RRM1: variants seen among roughly 807,000 people sequenced by gnomAD.
The protein encoded by RRM1 is ribonucleotide reductase catalytic subunit M1.
A neutral mutation model predicts 101.5 loss-of-function variants in RRM1; 19 were observed. The ratio of observed to expected loss-of-function variants is 0.19; its 90% CI spans 0.13 to 0.27. RRM1 has a LOEUF of 0.27. Ranked by LOEUF, RRM1 falls within the 10% of genes least tolerant of loss-of-function variation. The probability of loss-of-function intolerance (pLI) is 1.00; values close to 1 mark genes in which losing one functional copy is unlikely to be tolerated. For synonymous variants in RRM1, 298 were observed against 323.4 expected (o/e 0.92, Z 0.84); for missense variants, 500 against 962.9 (o/e 0.52, Z 6.36).
chr11:4,116,794 G>A (rs2094574207), intron 7 of RRM1, among the ~76,000 whole-genome samples: 1 of 149,956 alleles, frequency 6.7e-6, no homozygotes, highest in Non-Finnish European at 1.5e-5. Flanking sequence ...CATAATGAGA[G>A]CCTGTCTCTA....
At chr11:4,096,962 C>G (rs2094544372) in intron 1 of RRM1, among the ~76,000 whole-genome samples, 1 of 146,686 alleles carries the variant, frequency 6.8e-6, no homozygotes. Context: ...GAGTCTACTT[C>G]TAAATACTTT....
intron 2 of RRM1, among the ~76,000 whole-genome samples, chr11:4,104,188 A>G (rs2094555533): frequency 6.6e-6 from 1 of 152,158 alleles, no homozygotes; most frequent in Admixed American, 6.5e-5. Flanking sequence ...TCTGAGTTCT[A>G]ATTGTTTGCC....
chr11:4,133,142 A>G (rs771911874), intron 16 of RRM1, among the ~76,000 whole-genome samples: 4 of 152,198 alleles, frequency 2.6e-5, no homozygotes, highest in Non-Finnish European at 5.9e-5. Context: ...ATATGTGTAT[A>G]TATTATATAA....
At chr11:4,120,471 C>T (rs1386981448) in intron 9 of RRM1, among the ~76,000 whole-genome samples, 1 of 151,906 alleles carries the variant, frequency 6.6e-6, no homozygotes, top group Non-Finnish European at 1.5e-5. Flanking sequence ...TTAAGTGATT[C>T]TTCTGCCTCA....
rs1296866685 is a variant in RRM1, at chr11:4,100,619, T to C, written c.20-1374T>C. Reference sequence around the variant, plus strand: ...ACAAAAGAGACAAAAACTAAATCAGTGTGAGACACTAACATTTATTGAGTG... The same window carrying C: ...ACAAAAGAGACAAAAACTAAATCAGCGTGAGACACTAACATTTATTGAGTG... On this transcript the variant is annotated intron_variant, in intron 1 of 18. Coordinates refer to ENST00000300738, the MANE Select transcript of RRM1 (RefSeq NM_001033.5). 3.9e-5 allele frequency among the ~76,000 whole-genome samples: 6 copies of C among 152,212 alleles called. No homozygotes were observed. In the South Asian group the frequency reaches 1.0e-3, roughly 26 times the overall value.
At chr11:4,118,160 TGTACA>T (rs2094576419) in intron 7 of RRM1, among the ~76,000 whole-genome samples, 155 bp from the exon 8 acceptor site, 1 of 152,080 alleles carries the variant, frequency 6.6e-6, no homozygotes, top group Non-Finnish European at 1.5e-5. Flanking sequence ...TATTGTGTCA[TGTACA>T]GTAAAGTGGG....
At position 4,132,179 on chromosome 11, in the gene RRM1, T is replaced by TGA; in HGVS notation, c.1770-107_1770-106insGA. ...AGTTCAATGCATGTACGATGTTACA[T>TGA]TTACATTTACTACATTTATCTACAT... On this transcript the variant is annotated intron_variant, in intron 15 of 18. Coordinates refer to ENST00000300738, the MANE Select transcript of RRM1 (RefSeq NM_001033.5). The surrounding 1 kb of genome is among the most constrained non-coding windows in gnomAD (Gnocchi z 4.1). 8.7e-7 allele frequency: 1 copy of TGA among 1,150,882 alleles called. No homozygotes were observed. The highest frequency in any genetic ancestry group is 1.3e-6 in the Non-Finnish European group (1 of 785,356). The allele number at this position is 1,150,882 out of a possible 1,614,324, so 71.3% of individuals were successfully genotyped here.
chr11:4,095,292 A>C (rs945759827), intron 1 of RRM1, among the ~76,000 whole-genome samples: 4 of 151,796 alleles, frequency 2.6e-5, no homozygotes, highest in African/African-American at 4.8e-5. Flanking sequence ...CCCCGTATCG[A>C]GTAGTGACTG....
At chr11:4,110,962 C>G (rs1306762960) in intron 5 of RRM1, among the ~76,000 whole-genome samples, 1 of 151,938 alleles carries the variant, frequency 6.6e-6, no homozygotes, top group Non-Finnish European at 1.5e-5. Context: ...GTTACAGGCG[C>G]TTTTTAAGTG....
chr11:4,121,960 C>A, intron 10 of RRM1, 181 bp from the exon 11 acceptor site: 1 of 659,034 alleles, frequency 1.5e-6, no homozygotes, highest in Non-Finnish European at 2.5e-6. Context: ...GACCTAAATG[C>A]TTAAAAGGTC....
chr11:4,122,297 G>T, intron 11 of RRM1, 77 bp downstream of exon 11: 7 of 1,096,896 alleles, frequency 6.4e-6, no homozygotes, highest in East Asian at 2.4e-5. Flanking sequence ...AATATCAAAA[G>T]TACTTGTCAA....
intron 1 of RRM1, among the ~76,000 whole-genome samples, chr11:4,096,795 G>C (rs999796587): frequency 2.0e-5 from 3 of 151,888 alleles, no homozygotes; most frequent in Admixed American, 6.6e-5. Flanking sequence ...GGGAGCCACC[G>C]CACCTGGCTT....
chr11:4,110,161 T>A (rs1053633698), intron 5 of RRM1, among the ~76,000 whole-genome samples: 18 of 149,956 alleles, frequency 1.2e-4, no homozygotes, highest in African/African-American at 2.7e-4. Context: ...TAAAAAAAAA[T>A]TTTTTTTTTG....
In RRM1 at chr11:4,111,973, T is replaced by C. The variant is rs774332452; in HGVS notation, c.561T>C (p.Ile187=). 3.3e-5 allele frequency: 53 copies of C among 1,613,934 alleles called. No homozygotes were observed. Among genetic ancestry groups the C allele is most frequent in the Non-Finnish European group, 4.5e-5 (53 of 1,179,930 alleles). The change falls in exon 7 of 19, where the codon ATT becomes ATC. Residue 187 remains isoleucine (I), a synonymous_variant. Transcript: ENST00000300738. ...GIHKEDIDAA[I]ETYNLLSERW... is the part of the protein sequence containing the mutation. ...ACAAAGAAGACATTGATGCAGCAAT[T>C]GAAACATATAATCTTCTTTCTGAGA... is the stretch of plus-strand genomic sequence containing the variant.
At chr11:4,117,349 G>A (rs566390677) in intron 7 of RRM1, among the ~76,000 whole-genome samples, 1 of 152,322 alleles carries the variant, frequency 6.6e-6, no homozygotes, top group African/African-American at 2.4e-5. Flanking sequence ...AATTTTTATA[G>A]CAGCATTGTT....
chr11:4,101,899 A>G (rs2094551991), intron 1 of RRM1, 94 bp from the exon 2 acceptor site: 1 of 717,048 alleles, frequency 1.4e-6, no homozygotes, highest in East Asian at 2.5e-5. Context: ...ATGTTGGTCA[A>G]TTTACATGTT....
At chr11:4,108,278 AT>A in intron 4 of RRM1, among the ~76,000 whole-genome samples, 1 of 152,294 alleles carries the variant, frequency 6.6e-6, no homozygotes, top group Middle Eastern at 3.4e-3. Context: ...ATCTGGACAG[AT>A]TAGAGACCAG....
rs137969593 is a variant in RRM1, at chr11:4,111,628, A to T, written c.475A>T (p.Ile159Phe). The change falls in exon 6 of 19, where the codon ATC (isoleucine) becomes TTC (phenylalanine). Residue 159 changes from isoleucine (I) to phenylalanine (F), a missense_variant. Physicochemically the swap from Ile to Phe is conservative, Grantham distance 21. Around this residue, in one of 9 missense-constraint regions of RRM1, gnomAD observed 111 missense variants for 219.8 expected, o/e 0.51. Coordinates refer to ENST00000300738, the MANE Select transcript of RRM1 (RefSeq NM_001033.5). Reference protein sequence around the residue: ...KTLERSYLLKINGKVAERPQH... With the variant: ...KTLERSYLLKFNGKVAERPQH... ...GCTAGAGCGGTCTTATTTGTTGAAGATCAATGGAAAAGGTGAGAAATGAAC... is the reference window on the plus strand; with the variant it reads ...GCTAGAGCGGTCTTATTTGTTGAAGTTCAATGGAAAAGGTGAGAAATGAAC... 9.7e-4 allele frequency: 1,563 copies of T among 1,604,546 alleles called. 1 individual carries two copies. Among genetic ancestry groups the T allele is most frequent in the Non-Finnish European group, 1.2e-3 (1,411 of 1,175,102 alleles).
At chr11:4,102,108 G>T (rs772841851) in intron 2 of RRM1, 27 bp downstream of exon 2, 17 of 1,187,590 alleles carry the variant, frequency 1.4e-5, no homozygotes, top group Non-Finnish European at 1.9e-5. Context: ...TTTATCTTGG[G>T]TTCCTTCTTT....
Sources: allele counts gnomAD v4.1 joint callset (sites outside exome capture counted in the v4.1 genomes callset), GRCh38; gene constraint gnomAD v4.1.1; regional missense constraint gnomAD v4.1.1; non-coding constraint Gnocchi (gnomAD v3.1); transcripts MANE v1.5; gene names NCBI Gene and HGNC (gene_info 2026-07-23, HGNC 2026-07-21).